CSMD3: variants seen among roughly 807,000 people sequenced by gnomAD.
CSMD3 encodes CUB and Sushi multiple domains 3, also known as CUB and sushi domain-containing protein 3.
A neutral mutation model predicts 435.2 loss-of-function variants in CSMD3; 177 were observed. The ratio of observed to expected loss-of-function variants is 0.41; its 90% CI spans 0.36 to 0.46. CSMD3 has a LOEUF of 0.46. Ranked by LOEUF, CSMD3 falls within the 20% of genes least tolerant of loss-of-function variation. CSMD3 has a pLI of 0.34. For synonymous variants in CSMD3, 1,656 were observed against 1,520.5 expected (o/e 1.09, Z -2.07); for missense variants, 4,265 against 4,504.6 (o/e 0.95, Z 1.52).
intron 1 of CSMD3, among the ~76,000 whole-genome samples, chr8:113,404,637 G>A (rs2094524568): frequency 6.6e-6 from 1 of 151,104 alleles, no homozygotes; most frequent in South Asian, 2.1e-4. Flanking sequence ...CATCTATTCA[G>A]CAAACATTTT....
At chr8:112,980,663 T>C (rs912450806) in intron 6 of CSMD3, among the ~76,000 whole-genome samples, 13 of 151,596 alleles carry the variant, frequency 8.6e-5, no homozygotes, top group South Asian at 8.3e-4. Context: ...GTGAAACTTA[T>C]AGGAAAACAC....
At chr8:112,913,257 A>C (rs2082478482) in intron 10 of CSMD3, among the ~76,000 whole-genome samples, 1 of 151,880 alleles carries the variant, frequency 6.6e-6, no homozygotes, top group African/African-American at 2.4e-5. Flanking sequence ...TGATTCAAGC[A>C]CATTATATTT....
chr8:113,273,419 A>G (rs536755864), intron 3 of CSMD3, among the ~76,000 whole-genome samples: 2 of 152,226 alleles, frequency 1.3e-5, no homozygotes, highest in Admixed American at 1.3e-4. Context: ...ATTAATTTAA[A>G]AATTCCAGAA....
At chr8:112,482,424 T>C (rs1409607326) in intron 31 of CSMD3, among the ~76,000 whole-genome samples, 1 of 152,250 alleles carries the variant, frequency 6.6e-6, no homozygotes, top group Non-Finnish European at 1.5e-5. Flanking sequence ...AAGTGTACAA[T>C]TGAATGCTTT....
chr8:112,755,511 C>T (rs917148994), intron 13 of CSMD3, among the ~76,000 whole-genome samples: 1 of 151,370 alleles, frequency 6.6e-6, no homozygotes, highest in Non-Finnish European at 1.5e-5. Flanking sequence ...TTTGCTTCCC[C>T]TTCGGCCATG....
At chr8:113,314,175 G>C (rs2093891911) in intron 2 of CSMD3, 1 of 159,770 alleles carries the variant, frequency 6.3e-6, no homozygotes, top group South Asian at 1.8e-4. Flanking sequence ...GCTGACTTAA[G>C]GTGTTTTTGC....
At chr8:112,571,676 C>T (rs1397934147) in intron 24 of CSMD3, among the ~76,000 whole-genome samples, 2 of 151,734 alleles carry the variant, frequency 1.3e-5, no homozygotes, top group African/African-American at 2.4e-5. Context: ...CAACACCAGA[C>T]TGGCCAACAT....
intron 38 of CSMD3, among the ~76,000 whole-genome samples, chr8:112,365,173 C>T (rs1827643736): frequency 6.6e-6 from 1 of 151,942 alleles, no homozygotes; most frequent in African/African-American, 2.4e-5. Context: ...CCTATGTCTC[C>T]CAAAGTTGCC....
intron 6 of CSMD3, among the ~76,000 whole-genome samples, chr8:113,005,675 G>C (rs761366863): frequency 2.0e-5 from 3 of 151,844 alleles, no homozygotes; most frequent in African/African-American, 4.8e-5. Context: ...AAGATTCAAA[G>C]ATATTCAGCA....
At chr8:112,935,328 T>C (rs1453679090) in intron 9 of CSMD3, among the ~76,000 whole-genome samples, 1 of 152,158 alleles carries the variant, frequency 6.6e-6, no homozygotes, top group Non-Finnish European at 1.5e-5. Flanking sequence ...TCAGACTGTA[T>C]GATAGTTCCA....
At chr8:112,892,482 C>A (rs1188675284) in intron 10 of CSMD3, among the ~76,000 whole-genome samples, 3 of 151,182 alleles carry the variant, frequency 2.0e-5, no homozygotes, top group Non-Finnish European at 3.0e-5. Context: ...ACAAATGAGT[C>A]CTACATATAT....
chr8:112,848,825 C>G (rs772213616), intron 11 of CSMD3, among the ~76,000 whole-genome samples: 5 of 151,884 alleles, frequency 3.3e-5, no homozygotes, highest in African/African-American at 4.8e-5. Context: ...AAAAGAAAGG[C>G]TTTTATAAGT....
intron 32 of CSMD3, among the ~76,000 whole-genome samples, chr8:112,466,138 A>G (rs1196492645): frequency 6.6e-6 from 1 of 152,188 alleles, no homozygotes; most frequent in East Asian, 1.9e-4. Flanking sequence ...TTTTAATGCA[A>G]TTGTACTGTT....
chr8:112,441,575 A>C (rs2130506492), intron 32 of CSMD3, among the ~76,000 whole-genome samples: 1 of 152,322 alleles, frequency 6.6e-6, no homozygotes, highest in South Asian at 2.1e-4. Flanking sequence ...ATGCTGCTAT[A>C]AAGCAAACAC....
At chr8:112,916,552 A>C (rs985802050) in intron 10 of CSMD3, among the ~76,000 whole-genome samples, 1 of 151,906 alleles carries the variant, frequency 6.6e-6, no homozygotes, top group African/African-American at 2.4e-5. Flanking sequence ...CACTCTATTA[A>C]TTGCTAATAT....
At chr8:113,239,940 A>G (rs996887715) in intron 3 of CSMD3, among the ~76,000 whole-genome samples, 1 of 151,888 alleles carries the variant, frequency 6.6e-6, no homozygotes, top group Non-Finnish European at 1.5e-5. Flanking sequence ...TATGCAGGCT[A>G]TTTCATCACC....
chr8:112,691,861 C>T (rs1186321520), intron 13 of CSMD3, among the ~76,000 whole-genome samples: 1 of 151,994 alleles, frequency 6.6e-6, no homozygotes, highest in Non-Finnish European at 1.5e-5. Context: ...AGTGCAGTGG[C>T]GTGATCTCGG....
At chr8:112,688,744 A>C (rs907500469) in intron 14 of CSMD3, among the ~76,000 whole-genome samples, 2 of 152,026 alleles carry the variant, frequency 1.3e-5, no homozygotes, top group Admixed American at 1.3e-4. Flanking sequence ...AACATTATTA[A>C]TCGCTACATT....
chr8:112,260,140 T>C (rs1816239614), intron 61 of CSMD3, among the ~76,000 whole-genome samples: 1 of 152,218 alleles, frequency 6.6e-6, no homozygotes, highest in Non-Finnish European at 1.5e-5. Flanking sequence ...AAACATACTT[T>C]AAGCAAAATT....
Sources: allele counts gnomAD v4.1 joint callset (sites outside exome capture counted in the v4.1 genomes callset), GRCh38; gene constraint gnomAD v4.1.1; transcripts MANE v1.5; gene names NCBI Gene and HGNC (gene_info 2026-07-23, HGNC 2026-07-21).